QTMAN: variants seen among roughly 807,000 people sequenced by gnomAD.
The protein encoded by QTMAN is queuosine-tRNA mannosyltransferase.
chr2:144,187,019 TTAA>T, the QTMAN span, among the ~76,000 whole-genome samples: 28 of 152,266 alleles, frequency 1.8e-4, no homozygotes, highest in Admixed American at 1.5e-3. Flanking sequence ...ATGCTTAATC[TTAA>T]TAAGAAAAAA....
chr2:144,281,261 A>G, the QTMAN span, among the ~76,000 whole-genome samples: 3 of 151,958 alleles, frequency 2.0e-5, no homozygotes, highest in Non-Finnish European at 4.4e-5. Context: ...CAACTTGGCA[A>G]TATCAGCTAA....
chr2:144,203,653 G>C, the QTMAN span, among the ~76,000 whole-genome samples: 153 of 152,212 alleles, frequency 1.0e-3, no homozygotes, highest in African/African-American at 3.5e-3. Context: ...AAAAGCACCT[G>C]GTGTCTGGCC....
At chr2:144,003,175 A>G in the QTMAN span, among the ~76,000 whole-genome samples, 29 of 152,028 alleles carry the variant, frequency 1.9e-4, no homozygotes, top group Admixed American at 1.1e-3. Flanking sequence ...GTATAATCCC[A>G]ACAAACAAGA....
chr2:144,041,883 T>A, the QTMAN span, among the ~76,000 whole-genome samples: 1 of 152,022 alleles, frequency 6.6e-6, no homozygotes, highest in East Asian at 1.9e-4. Flanking sequence ...GAGAGGAAGG[T>A]CTGTTTGAGG....
chr2:144,289,124 C>T, the QTMAN span, among the ~76,000 whole-genome samples: 2 of 151,162 alleles, frequency 1.3e-5, no homozygotes, highest in Middle Eastern at 3.5e-3. Context: ...AGCTCCGCCT[C>T]CCGGGTTCAC....
At chr2:144,269,751 T>C in the QTMAN span, among the ~76,000 whole-genome samples, 1 of 151,956 alleles carries the variant, frequency 6.6e-6, no homozygotes, top group Admixed American at 6.6e-5. Context: ...AACTAGAAAT[T>C]AGAAGCTCTA....
chr2:144,141,432 A>G, the QTMAN span, among the ~76,000 whole-genome samples: 1 of 151,554 alleles, frequency 6.6e-6, no homozygotes, highest in African/African-American at 2.4e-5. Context: ...ATTAAAAATA[A>G]AGAAAAAATA....
chr2:144,287,165 G>C, the QTMAN span, among the ~76,000 whole-genome samples: 1 of 152,152 alleles, frequency 6.6e-6, no homozygotes, highest in Non-Finnish European at 1.5e-5. Flanking sequence ...GGCCGGGCAC[G>C]GTGGCTCACG....
At chr2:144,166,970 AG>A in the QTMAN span, among the ~76,000 whole-genome samples, 1 of 152,178 alleles carries the variant, frequency 6.6e-6, no homozygotes, top group Non-Finnish European at 1.5e-5. Flanking sequence ...GGAAACTCAT[AG>A]TACCAAAAAA....
At chr2:144,215,657 T>C in the QTMAN span, among the ~76,000 whole-genome samples, 1 of 152,196 alleles carries the variant, frequency 6.6e-6, no homozygotes, top group South Asian at 2.1e-4. Flanking sequence ...GATTTCAAAC[T>C]ATAAAAGCAG....
At chr2:143,938,113 A>G in the QTMAN span, 1 of 152,218 alleles carries the variant, frequency 6.6e-6, no homozygotes, top group African/African-American at 2.4e-5. Context: ...GCCTGGTATC[A>G]CAGCATTAGA....
At chr2:144,262,932 G>C in the QTMAN span, among the ~76,000 whole-genome samples, 1 of 88,422 alleles carries the variant, frequency 1.1e-5, no homozygotes, top group Non-Finnish European at 2.3e-5. Flanking sequence ...AGAGGGGAGA[G>C]GGAAGAGGGG....
At chr2:144,203,076 T>G in the QTMAN span, among the ~76,000 whole-genome samples, 4 of 151,500 alleles carry the variant, frequency 2.6e-5, no homozygotes, top group Non-Finnish European at 5.9e-5. Flanking sequence ...CAAAGAAACA[T>G]GGAAAAGATG....
At chr2:144,057,644 T>G in the QTMAN span, among the ~76,000 whole-genome samples, 2 of 152,228 alleles carry the variant, frequency 1.3e-5, no homozygotes, top group Non-Finnish European at 2.9e-5. Flanking sequence ...TATGTTGATT[T>G]TTAAAGCTTT....
the QTMAN span, among the ~76,000 whole-genome samples, chr2:144,157,817 A>C: frequency 4.6e-5 from 7 of 151,998 alleles, no homozygotes; most frequent in Admixed American, 2.6e-4. Context: ...TATATATGAT[A>C]TCTATATGGT....
At chr2:144,262,022 T>C in the QTMAN span, among the ~76,000 whole-genome samples, 2 of 152,052 alleles carry the variant, frequency 1.3e-5, no homozygotes. Flanking sequence ...GGAGGAGCAT[T>C]AACAAAATGG....
chr2:144,037,870 C>T, the QTMAN span, among the ~76,000 whole-genome samples: 2 of 152,216 alleles, frequency 1.3e-5, no homozygotes, highest in East Asian at 3.9e-4. Flanking sequence ...ACTCTTTTTG[C>T]AATATAGCAT....
the QTMAN span, among the ~76,000 whole-genome samples, chr2:144,133,435 A>AATATATTATATATAAT: frequency 1.8e-5 from 1 of 54,250 alleles, no homozygotes; most frequent in East Asian, 7.4e-4. Context: ...TATAATATAT[A>AATATATTATATATAAT]ATATATAATA....
chr2:144,021,774 A>G, the QTMAN span, among the ~76,000 whole-genome samples: 1 of 152,220 alleles, frequency 6.6e-6, no homozygotes, highest in Non-Finnish European at 1.5e-5. Flanking sequence ...CTCAGCAGGG[A>G]ACACTTTTTA....
Sources: allele counts gnomAD v4.1 joint callset (sites outside exome capture counted in the v4.1 genomes callset), GRCh38; gene constraint gnomAD v4.1.1; transcripts MANE v1.5; gene names NCBI Gene and HGNC (gene_info 2026-07-23, HGNC 2026-07-21).